TUBB8B: variants seen among roughly 807,000 people sequenced by gnomAD.
TUBB8B encodes HSA18p11 beta-tubulin 4Q pseudogene.
In TUBB8B, 26 loss-of-function variants were observed where a neutral mutation model predicts 31.9. The ratio of observed to expected loss-of-function variants is 0.81; its 90% CI spans 0.60 to 1.13. TUBB8B has a LOEUF of 1.13. TUBB8B is among the 50% of genes most tolerant of loss of function. The probability of loss-of-function intolerance (pLI) is 0.00; values close to 1 mark genes in which losing one functional copy is unlikely to be tolerated. For missense variants in TUBB8B, 467 were observed against 586.7 expected (o/e 0.80, Z 2.11); for synonymous variants, 173 against 231.0 (o/e 0.75, Z 2.28).
In TUBB8B at chr18:48,094, A is replaced by G. The variant is rs535123276; in HGVS notation, c.631T>C (p.Cys211Arg). 5 of 1,613,922 alleles carry G rather than the reference A, an allele frequency of 3.1e-6. No homozygotes were observed. In the East Asian group the frequency reaches 8.9e-5, roughly 29 times the overall value. ...CIDNEALYDI[C>R]SRTLKLPTPT... ...GTGGGCAGTTTTAGGGTCCTGGAAC[A>G]TATGTCATATAGCGCTTCGTTATCT... Residue 211 changes from cysteine (C) to arginine (R), a missense_variant, in exon 4 of 4, where the codon TGT (cysteine) becomes CGT (arginine). This residue lies in a region of TUBB8B where 259 missense variants were observed against 380.1 expected (regional missense o/e 0.68). Coordinates refer to ENST00000308911, the MANE Select transcript of TUBB8B (RefSeq NM_001358689.2).
the TUBB8B span, among the ~76,000 whole-genome samples, chr18:72,370 A>C: frequency 2.6e-5 from 4 of 152,184 alleles, no homozygotes; most frequent in Non-Finnish European, 5.9e-5. Flanking sequence ...TGATATAGTT[A>C]ATACATTTCA....
At chr18:66,920 T>C in the TUBB8B span, among the ~76,000 whole-genome samples, 3 of 152,174 alleles carry the variant, frequency 2.0e-5, no homozygotes, top group African/African-American at 7.2e-5. Context: ...ATCTTTAAAT[T>C]TATGTAAGCT....
the TUBB8B span, among the ~76,000 whole-genome samples, chr18:60,057 T>G: frequency 6.6e-6 from 1 of 151,826 alleles, no homozygotes; most frequent in Non-Finnish European, 1.5e-5. Flanking sequence ...TGTTTTGATA[T>G]CAGTGTAATA....
At chr18:56,032 G>C in the TUBB8B span, among the ~76,000 whole-genome samples, 3 of 151,946 alleles carry the variant, frequency 2.0e-5, no homozygotes, top group African/African-American at 7.2e-5. Context: ...TAGTGTTGTA[G>C]TTTCATTCTT....
the TUBB8B span, among the ~76,000 whole-genome samples, chr18:60,648 G>A: frequency 4.0e-4 from 61 of 151,658 alleles, 1 homozygote; most frequent in Admixed American, 3.2e-3. Context: ...CACAGGTTTT[G>A]CTATGCTATG....
At chr18:70,552 T>C in the TUBB8B span, among the ~76,000 whole-genome samples, 2 of 152,152 alleles carry the variant, frequency 1.3e-5, no homozygotes, top group African/African-American at 4.8e-5. Context: ...GGAGAATCGC[T>C]TGAGTCCAGG....
the TUBB8B span, among the ~76,000 whole-genome samples, chr18:58,261 G>A: frequency 6.6e-6 from 1 of 151,312 alleles, no homozygotes; most frequent in African/African-American, 2.4e-5. Context: ...CACATGACTA[G>A]GCTGCAAAGT....
chr18:63,576 T>G, the TUBB8B span, among the ~76,000 whole-genome samples: 1 of 151,302 alleles, frequency 6.6e-6, no homozygotes, highest in Admixed American at 6.6e-5. Flanking sequence ...CAAGGCCCAC[T>G]GTAACGACAA....
the TUBB8B span, among the ~76,000 whole-genome samples, chr18:64,420 A>G: frequency 1.3e-5 from 2 of 152,128 alleles, no homozygotes; most frequent in Non-Finnish European, 2.9e-5. Context: ...GAATATTAAA[A>G]TATCTTTGCC....
At chr18:66,813 G>A in the TUBB8B span, among the ~76,000 whole-genome samples, 1 of 128,262 alleles carries the variant, frequency 7.8e-6, no homozygotes, top group African/African-American at 3.3e-5. Flanking sequence ...AAAAGGACGT[G>A]GGGATTGTAA....
the TUBB8B span, among the ~76,000 whole-genome samples, chr18:70,959 G>A: frequency 2.0e-5 from 3 of 149,560 alleles, no homozygotes; most frequent in East Asian, 2.0e-4. Context: ...AAGTGGGGGA[G>A]ATCTTCGGCT....
the TUBB8B span, among the ~76,000 whole-genome samples, chr18:71,569 TAAAAA>T: frequency 5.0e-4 from 29 of 57,644 alleles, no homozygotes; most frequent in African/African-American, 1.6e-3. Flanking sequence ...AAAAAAAATT[TAAAAA>T]AAAAAAAAAA....
chr18:68,526 G>T, the TUBB8B span, among the ~76,000 whole-genome samples: 1 of 146,818 alleles, frequency 6.8e-6, no homozygotes, highest in Admixed American at 6.8e-5. Flanking sequence ...GGTCTGCCCC[G>T]TGTTTCCTCC....
chr18:67,323 A>C, the TUBB8B span, among the ~76,000 whole-genome samples: 1 of 151,838 alleles, frequency 6.6e-6, no homozygotes, highest in Non-Finnish European at 1.5e-5. Flanking sequence ...ACCTTGGTTA[A>C]ATTTATTCCA....
chr18:47,813 G>A lies in TUBB8B; in HGVS notation c.912C>T (p.Asp304=), dbSNP rs1263259606. The A allele has an allele frequency of 3.1e-6, 5 of 1,611,782 alleles. No homozygotes were observed. The highest frequency in any genetic ancestry group is 1.7e-5 in the Admixed American group (1 of 60,004). Residue 304 remains aspartate (D), a synonymous_variant, in exon 4 of 4, where the codon GAC becomes GAT. Coordinates refer to ENST00000308911, the MANE Select transcript of TUBB8B (RefSeq NM_001358689.2). Reference sequence around the variant, plus strand: ...CCGTTAGGTAGCAGCCGTGACGGGGGTCACAGGCAGCCATCATGTTCTTAG... The same window carrying A: ...CCGTTAGGTAGCAGCCGTGACGGGGATCACAGGCAGCCATCATGTTCTTAG... The part of the protein sequence containing the change: ...FDAKNMMAAC[D]PRHGCYLTVA...
chr18:70,043 G>C, the TUBB8B span, among the ~76,000 whole-genome samples: 1 of 151,936 alleles, frequency 6.6e-6, no homozygotes, highest in Non-Finnish European at 1.5e-5. Flanking sequence ...TGTAATCCCA[G>C]CTACTCAAGA....
At chr18:51,054 C>A (rs1227584651), upstream of TUBB8B, among the ~76,000 whole-genome samples, 4 of 151,770 alleles carry the variant, frequency 2.6e-5, no homozygotes, top group African/African-American at 9.7e-5. Context: ...TTTCCAACTG[C>A]AGGGGCCTAG....
chr18:55,859 T>C, the TUBB8B span, among the ~76,000 whole-genome samples: 188 of 152,024 alleles, frequency 1.2e-3, 2 homozygotes, highest in African/African-American at 4.2e-3. Flanking sequence ...TGTCCATGTT[T>C]GCTTTGGTTG....
the TUBB8B span, among the ~76,000 whole-genome samples, chr18:61,826 A>C: frequency 2.6e-5 from 4 of 151,558 alleles, no homozygotes; most frequent in Non-Finnish European, 5.9e-5. Flanking sequence ...AATATGTTGT[A>C]GTTATTTTTT....
Sources: allele counts gnomAD v4.1 joint callset (sites outside exome capture counted in the v4.1 genomes callset), GRCh38; gene constraint gnomAD v4.1.1; regional missense constraint gnomAD v4.1.1; transcripts MANE v1.5; gene names NCBI Gene and HGNC (gene_info 2026-07-23, HGNC 2026-07-21).